ATXN10: variants seen among roughly 807,000 people sequenced by gnomAD.
ATXN10 encodes the protein ataxin 10, also known as ataxin-10.
A neutral mutation model predicts 52.9 loss-of-function variants in ATXN10; 28 were observed. The ratio of observed to expected loss-of-function variants is 0.53; its 90% CI spans 0.39 to 0.73. ATXN10 has a LOEUF of 0.73. ATXN10 is among the 30% of genes least tolerant of loss of function. The pLI is 0.00. For synonymous variants in ATXN10, 226 were observed against 221.5 expected, an observed-to-expected ratio of 1.02 and a Z score of -0.18; for missense variants, 565 against 577.0, an observed-to-expected ratio of 0.98 and a Z score of 0.21.
intron 10 of ATXN10, among the ~76,000 whole-genome samples, chr22:45,815,581 C>T (rs1449258442): frequency 6.6e-6 from 1 of 151,478 alleles, no homozygotes; most frequent in African/African-American, 2.4e-5. Flanking sequence ...TTTCCTTTCC[C>T]TCCCTCCCTC....
rs1199871258 is a variant in ATXN10 at position 45,732,411 on chromosome 22, A to G, written c.894+2821A>G. ...AAGATTGAGGCTGCAGTGAGCTGTG[A>G]TTGCGCTACTGCATTCCAGCCTGGG... On this transcript the variant is annotated intron_variant, in intron 7 of 11. Coordinates refer to ENST00000252934, the MANE Select transcript of ATXN10 (RefSeq NM_013236.4). The surrounding 1 kb of genome is among the most constrained non-coding windows in gnomAD (Gnocchi z 4.5). Among the ~76,000 whole-genome samples the G allele has an allele frequency of 2.0e-5, 3 of 152,078 alleles. No individual in the cohort carries two copies. Among genetic ancestry groups the G allele is most frequent in the Admixed American group, 6.5e-5 (1 of 15,270 alleles).
At chr22:45,739,109 G>A (rs1925413250) in intron 8 of ATXN10, among the ~76,000 whole-genome samples, 1 of 152,174 alleles carries the variant, frequency 6.6e-6, no homozygotes, top group Non-Finnish European at 1.5e-5. Context: ...TATAGTAGAT[G>A]TTTCATCAAT....
chr22:45,760,107 G>T (rs968412375), intron 9 of ATXN10, among the ~76,000 whole-genome samples: 1 of 152,164 alleles, frequency 6.6e-6, no homozygotes, highest in Non-Finnish European at 1.5e-5. Context: ...ATCCTCCTTC[G>T]TTTGCTTAGA....
At chr22:45,707,233 G>A (rs1489555397) in intron 5 of ATXN10, among the ~76,000 whole-genome samples, 1 of 152,130 alleles carries the variant, frequency 6.6e-6, no homozygotes, top group East Asian at 1.9e-4. Flanking sequence ...AGTAAGCCTT[G>A]AGCACCTGTA....
chr22:45,752,558 G>A (rs1445812156), intron 9 of ATXN10, among the ~76,000 whole-genome samples: 5 of 92,912 alleles, frequency 5.4e-5, no homozygotes, highest in African/African-American at 1.8e-4. Context: ...TGGGGTTGGG[G>A]TTGGGGTTGG....
chr22:45,732,689 A>G lies in ATXN10; in HGVS notation c.894+3099A>G, dbSNP rs1447746824. On this transcript the variant is annotated intron_variant, in intron 7 of 11. Transcript: ENST00000252934. This position sits in a 1 kb window ranked among gnomAD's most constrained non-coding sequence, Gnocchi z 4.5. Reference sequence around the variant, plus strand: ...TCTAAGAGTTGATTATTAAGTGCTTAGAAATTTGTGAGCTGATTGTTAAAT... The same window carrying G: ...TCTAAGAGTTGATTATTAAGTGCTTGGAAATTTGTGAGCTGATTGTTAAAT... 6.6e-6 allele frequency among the ~76,000 whole-genome samples: 1 copy of G among 152,040 alleles called. No individual in the cohort carries two copies. The highest frequency in any genetic ancestry group is 1.9e-4 in the East Asian group (1 of 5,188).
rs74714064 is a variant in ATXN10, at chr22:45,688,460, G to T, written c.117-1252G>T. Among the ~76,000 whole-genome samples, 5 of 152,292 alleles carry T rather than the reference G, an allele frequency of 3.3e-5. No individual in the cohort carries two copies. The South Asian group carries it at 1.0e-3, about 32-fold the overall frequency. The stretch of plus-strand genomic sequence containing the variant: ...GTCATAAATTTGACTCCAGACTTAA[G>T]AAAGGCCCCGACAGAGAGAAAACAT... On this transcript the variant is annotated intron_variant, in intron 1 of 11. Transcript: ENST00000252934. This position sits in a 1 kb window ranked among gnomAD's most constrained non-coding sequence, Gnocchi z 4.0.
At position 45,759,793 on chromosome 22, in the gene ATXN10, C is replaced by A. The variant is rs1043008722; in HGVS notation, c.1173+19255C>A. ...CTAAGGGACCATATAACAGTCAGCACTGTCCATCGCTTGCTTCTCTCTCTT... is the reference window on the plus strand; with the variant it reads ...CTAAGGGACCATATAACAGTCAGCAATGTCCATCGCTTGCTTCTCTCTCTT... On this transcript the variant is annotated intron_variant, in intron 9 of 11. Transcript: ENST00000252934. This position sits in a 1 kb window ranked among gnomAD's most constrained non-coding sequence, Gnocchi z 5.4. Among the ~76,000 whole-genome samples, 1 of 152,214 alleles carries A rather than the reference C, an allele frequency of 6.6e-6. No individual in the cohort carries two copies. The highest frequency in any genetic ancestry group is 2.4e-5 in the African/African-American group (1 of 41,456).
intron 9 of ATXN10, among the ~76,000 whole-genome samples, chr22:45,768,647 G>T (rs1352994163): frequency 6.6e-6 from 1 of 152,164 alleles, no homozygotes; most frequent in Non-Finnish European, 1.5e-5. Context: ...GCATTAAAAA[G>T]AATTTACAAG....
intron 2 of ATXN10, among the ~76,000 whole-genome samples, chr22:45,692,099 T>C (rs1569024734): frequency 6.6e-6 from 1 of 152,242 alleles, no homozygotes; most frequent in Non-Finnish European, 1.5e-5. Context: ...CTAATGCACA[T>C]TGTGTGCTCA....
intron 5 of ATXN10, chr22:45,704,125 C>CT (rs56862831): frequency 0.61 from 85,116 of 140,448 alleles, 26,285 homozygotes; most frequent in South Asian, 0.72. Context: ...CTGTTCAGTG[C>CT]TTTTTTTTTT....
intron 9 of ATXN10, among the ~76,000 whole-genome samples, chr22:45,758,093 A>G (rs1601627844): frequency 6.6e-6 from 1 of 152,206 alleles, no homozygotes; most frequent in Admixed American, 6.5e-5. Flanking sequence ...TGGGTAGGGG[A>G]CACCTGGTGC....
At position 45,816,587 on chromosome 22, in the gene ATXN10, G is replaced by A. The variant is rs541709764; in HGVS notation, c.1237+9565G>A. 2.6e-5 allele frequency among the ~76,000 whole-genome samples: 4 copies of A among 152,322 alleles called. No homozygotes were observed. Among genetic ancestry groups the A allele is most frequent in the African/African-American group, 9.6e-5 (4 of 41,574 alleles). On this transcript the variant is annotated intron_variant, in intron 10 of 11. Transcript: ENST00000252934. This position sits in a 1 kb window ranked among gnomAD's most constrained non-coding sequence, Gnocchi z 5.8. ...GTGGGAACTATGTCATCTTGTTCCTGTACCCTGAGTGCATTCCCAACATTG... is the reference window on the plus strand; with the variant it reads ...GTGGGAACTATGTCATCTTGTTCCTATACCCTGAGTGCATTCCCAACATTG...
At chr22:45,821,577 TGTTCA>T (rs1353891203) in intron 10 of ATXN10, among the ~76,000 whole-genome samples, 1 of 152,198 alleles carries the variant, frequency 6.6e-6, no homozygotes, top group African/African-American at 2.4e-5. Flanking sequence ...AAAAATTATT[TGTTCA>T]GTTATATGTG....
At position 45,671,921 on chromosome 22, in the gene ATXN10, G is replaced by C. The variant is rs922759838; in HGVS notation, c.-143G>C. 1 of 851,614 alleles carries C rather than the reference G, an allele frequency of 1.2e-6. No homozygotes were observed. Among genetic ancestry groups the C allele is most frequent in the Non-Finnish European group, 1.7e-6 (1 of 576,064 alleles). The allele number at this position is 851,614 out of a possible 1,614,324, so 52.8% of individuals were successfully genotyped here. On this transcript the variant is annotated 5_prime_UTR_variant, in exon 1 of 12. Transcript: ENST00000252934. ...CAGCTTCAGGGCAGCGCGGGCTGCA[G>C]CGGCGGCGGCGGTTAGGGCTGTGTA...
intron 5 of ATXN10, among the ~76,000 whole-genome samples, chr22:45,713,714 G>A (rs1165692192): frequency 6.6e-6 from 1 of 152,120 alleles, no homozygotes. Context: ...TTTACCCCCA[G>A]CCGTTTACCT....
At chr22:45,838,469 C>T (rs988676547) in intron 10 of ATXN10, among the ~76,000 whole-genome samples, 1 of 152,204 alleles carries the variant, frequency 6.6e-6, no homozygotes, top group African/African-American at 2.4e-5. Flanking sequence ...CTCATGCCTT[C>T]TATTTGTAGT....
Position 45,688,747 on chromosome 22 carries a change from G to A in ATXN10, c.117-965G>A, listed in dbSNP as rs1428394183. Among the ~76,000 whole-genome samples the A allele has an allele frequency of 3.3e-5, 5 of 152,196 alleles. No homozygotes were observed. Among genetic ancestry groups the A allele is most frequent in the African/African-American group, 4.8e-5 (2 of 41,442 alleles). ...AGGTAGGGCACTGTGAATCTACAGC[G>A]AGAGCAGAAGGAGAAAATTCATATG... On this transcript the variant is annotated intron_variant, in intron 1 of 11. Coordinates refer to ENST00000252934, the MANE Select transcript of ATXN10 (RefSeq NM_013236.4). The surrounding 1 kb of genome is among the most constrained non-coding windows in gnomAD (Gnocchi z 4.0).
rs1927453626 is a variant in ATXN10, at chr22:45,790,062, T to G, written c.1174-16897T>G. 6.6e-6 allele frequency among the ~76,000 whole-genome samples: 1 copy of G among 152,232 alleles called. No individual in the cohort carries two copies. Among genetic ancestry groups the G allele is most frequent in the African/African-American group, 2.4e-5 (1 of 41,468 alleles). Reference sequence around the variant, plus strand: ...TCATTATCAGATTTCCAGAGAGATATTAAAATCCAAAGATAACATTGCATT... The same window carrying G: ...TCATTATCAGATTTCCAGAGAGATAGTAAAATCCAAAGATAACATTGCATT... On this transcript the variant is annotated intron_variant, in intron 9 of 11. Coordinates refer to ENST00000252934, the MANE Select transcript of ATXN10 (RefSeq NM_013236.4). The surrounding 1 kb of genome is among the most constrained non-coding windows in gnomAD (Gnocchi z 4.7).
Sources: allele counts gnomAD v4.1 joint callset (sites outside exome capture counted in the v4.1 genomes callset), GRCh38; gene constraint gnomAD v4.1.1; non-coding constraint Gnocchi (gnomAD v3.1); transcripts MANE v1.5; gene names NCBI Gene and HGNC (gene_info 2026-07-23, HGNC 2026-07-21).